Variants in ALDH5A1 observed in about 807,000 individuals in gnomAD.
The protein encoded by ALDH5A1 is aldehyde dehydrogenase 5 family member A1, also known as succinate-semialdehyde dehydrogenase, mitochondrial.
Under a neutral mutation model 54.7 loss-of-function variants are expected in ALDH5A1, and 33 were observed. That is an observed-to-expected ratio of 0.60 (90% confidence interval 0.46 to 0.81). The LOEUF is 0.81. Among genes scored for constraint, ALDH5A1 ranks in the 30% least tolerant of loss-of-function variants. The pLI, the probability that ALDH5A1 is intolerant of heterozygous loss-of-function variation, is 0.00. For missense variants in ALDH5A1, 657 were observed against 711.0 expected (o/e 0.92, Z 0.86); for synonymous variants, 294 against 292.7 (o/e 1.00, Z -0.05).
At chr6:24,526,965 TGTGTGTG>T (rs1561878644) in intron 7 of ALDH5A1, among the ~76,000 whole-genome samples, 73 of 7,470 alleles carry the variant, frequency 9.8e-3, no homozygotes, top group African/African-American at 0.02. Flanking sequence ...TATATATATA[TGTGTGTG>T]TGTATATATA....
intron 4 of ALDH5A1, 40 bp downstream of exon 4, chr6:24,505,025 T>A (rs755676131): frequency 1.7e-5 from 27 of 1,601,758 alleles, no homozygotes; most frequent in Non-Finnish European, 2.2e-5. Flanking sequence ...GCAGACAAAG[T>A]TCAAAAATTG....
At chr6:24,499,540 G>A (rs544589394) in intron 1 of ALDH5A1, among the ~76,000 whole-genome samples, 1 of 141,166 alleles carries the variant, frequency 7.1e-6, no homozygotes, top group South Asian at 2.3e-4. Flanking sequence ...TGCCTAGGCT[G>A]GAGTACAGTG....
intron 4 of ALDH5A1, among the ~76,000 whole-genome samples, chr6:24,513,709 A>G (rs1759505956): frequency 6.6e-6 from 1 of 152,176 alleles, no homozygotes; most frequent in Non-Finnish European, 1.5e-5. Context: ...CTCACCTACT[A>G]TTGATAGGGC....
rs1214819272 is a variant in ALDH5A1 at position 24,508,361 on chromosome 6, C to CAAAAAAAAAAAA, written c.726+3392_726+3403dup. ...AGGTGACAGAGCAAGACTCCATCTC[C>CAAAAAAAAAAAA]AAAAAAAAAAAAAAAAAAAAAAAAA... On this transcript the variant is annotated intron_variant, in intron 4 of 9. Transcript: ENST00000357578. Among the ~76,000 whole-genome samples, 29 of 13,078 alleles carry CAAAAAAAAAAAA rather than the reference C, an allele frequency of 2.2e-3. 2 individuals are homozygous for CAAAAAAAAAAAA. Among genetic ancestry groups the CAAAAAAAAAAAA allele is most frequent in the African/African-American group, 5.7e-3 (23 of 4,044 alleles). The allele number at this position is 13,078 out of a possible 152,430, so 8.6% of individuals were successfully genotyped here. A position where few individuals can be genotyped will look rare whatever the true frequency, so the allele number is the denominator to read the frequency against.
rs1247829223 is a variant in ALDH5A1, at chr6:24,536,075, GAAGA to G, written c.*2368_*2371del. On this transcript the variant is annotated 3_prime_UTR_variant, in exon 10 of 10. Coordinates refer to ENST00000357578, the MANE Select transcript of ALDH5A1 (RefSeq NM_001080.3). The stretch of plus-strand genomic sequence containing the variant: ...TTAGTAAAATGGCCCTTGGTTGTGG[GAAGA>G]AAGAGAATTATTTTTAACTGAACGT... The G allele has an allele frequency of 6.6e-6, 1 of 152,160 alleles. No homozygotes were observed. The highest frequency in any genetic ancestry group is 2.4e-5 in the African/African-American group (1 of 41,428). 9.4% of individuals were successfully genotyped at this position (152,160 alleles called of 1,614,324 possible). A position where few individuals can be genotyped will look rare whatever the true frequency, so the allele number is the denominator to read the frequency against.
chr6:24,532,552 G>A (rs926282437), intron 9 of ALDH5A1, among the ~76,000 whole-genome samples: 1 of 152,150 alleles, frequency 6.6e-6, no homozygotes, highest in Non-Finnish European at 1.5e-5. Flanking sequence ...AGAAGAGGAA[G>A]GGCATCAGCA....
intron 1 of ALDH5A1, among the ~76,000 whole-genome samples, chr6:24,498,005 A>T (rs1764746858): frequency 7.4e-6 from 1 of 135,494 alleles, no homozygotes; most frequent in Non-Finnish European, 1.6e-5. Context: ...CAAGGTGAAG[A>T]GTTATCCCAT....
intron 4 of ALDH5A1, 31 bp from the exon 5 acceptor site, chr6:24,515,136 G>A (rs767569668): frequency 4.7e-6 from 3 of 636,116 alleles, no homozygotes; most frequent in Non-Finnish European, 4.6e-6. Context: ...TTGGTAAATT[G>A]TTGGCACATG....
chr6:24,504,092 G>C (rs1392219251), intron 3 of ALDH5A1, among the ~76,000 whole-genome samples: 1 of 152,160 alleles, frequency 6.6e-6, no homozygotes, highest in Admixed American at 6.5e-5. Flanking sequence ...CCCCCTGATT[G>C]CCTAGACTGG....
chr6:24,526,961 TATATGTGTGTG>T (rs1365744989), intron 7 of ALDH5A1, among the ~76,000 whole-genome samples: 1,761 of 9,328 alleles, frequency 0.19, 45 homozygotes, highest in African/African-American at 0.28. Flanking sequence ...CTAATATATA[TATATGTGTGTG>T]TGTATATATA....
chr6:24,513,703 C>A (rs1385388489), intron 4 of ALDH5A1, among the ~76,000 whole-genome samples: 1 of 152,180 alleles, frequency 6.6e-6, no homozygotes, highest in Non-Finnish European at 1.5e-5. Context: ...CATGTACTCA[C>A]CTACTATTGA....
rs1749402568 is a variant in ALDH5A1, at chr6:24,533,783, T to G, written c.*71T>G. The G allele has an allele frequency of 1.4e-6, 2 of 1,408,462 alleles. No homozygotes were observed. The highest frequency in any genetic ancestry group is 2.9e-5 in the African/African-American group (2 of 69,182). The allele number at this position is 1,408,462 out of a possible 1,614,324, so 87.2% of individuals were successfully genotyped here. A position where few individuals can be genotyped will look rare whatever the true frequency, so the allele number is the denominator to read the frequency against. On this transcript the variant is annotated 3_prime_UTR_variant, in exon 10 of 10. Transcript: ENST00000357578. ...TATATAGGTACATGCCATCCATTAT[T>G]TTAAATAAACTAATAGGTTTTCAGA...
chr6:24,499,709 C>T lies in ALDH5A1; in HGVS notation c.355-2814C>T, dbSNP rs569175738. 1.3e-4 allele frequency among the ~76,000 whole-genome samples: 13 copies of T among 103,832 alleles called. No homozygotes were observed. In the South Asian group the frequency reaches 1.3e-3, roughly 10 times the overall value. 68.1% of individuals were successfully genotyped at this position (103,832 alleles called of 152,430 possible). On this transcript the variant is annotated intron_variant, in intron 1 of 9. Coordinates refer to ENST00000357578, the MANE Select transcript of ALDH5A1 (RefSeq NM_001080.3). ...TGAGACGGAGTCTCGCTCTGTCACC[C>T]GGGCTGGAGTGCAGTGGCGCAGTCT...
intron 1 of ALDH5A1, among the ~76,000 whole-genome samples, chr6:24,501,805 A>C (rs1031893601): frequency 2.6e-5 from 4 of 152,002 alleles, no homozygotes; most frequent in African/African-American, 9.7e-5. Context: ...CAATCAAAAA[A>C]CACAGAAGTT....
Position 24,518,251 on chromosome 6 carries a change from T to C in ALDH5A1, c.871-2150T>C, listed in dbSNP as rs1426894091. On this transcript the variant is annotated intron_variant, in intron 5 of 9. Coordinates refer to ENST00000357578, the MANE Select transcript of ALDH5A1 (RefSeq NM_001080.3). The surrounding 1 kb of genome is among the most constrained non-coding windows in gnomAD (Gnocchi z 4.2). The stretch of plus-strand genomic sequence containing the variant: ...AGAAAGGTAGGCTGGGCCAATCACA[T>C]GCTGTCTTTGGAAGCTGAGGCCCTG... Among the ~76,000 whole-genome samples the C allele has an allele frequency of 2.6e-5, 4 of 152,228 alleles. No homozygotes were observed. The highest frequency in any genetic ancestry group is 9.6e-5 in the African/African-American group (4 of 41,464).
At chr6:24,510,783 G>A (rs762637253) in intron 4 of ALDH5A1, among the ~76,000 whole-genome samples, 4 of 152,172 alleles carry the variant, frequency 2.6e-5, no homozygotes, top group African/African-American at 7.2e-5. Context: ...TTTAAGTGGA[G>A]TATTTAAGGC....
rs759155182 is a variant in ALDH5A1 at position 24,503,341 on chromosome 6, C to T, written c.517C>T (p.Arg173Cys). 9.9e-6 allele frequency: 16 copies of T among 1,614,070 alleles called. No homozygotes were observed. The highest frequency in any genetic ancestry group is 1.7e-5 in the Admixed American group (1 of 60,010). Residue 173 changes from arginine to cysteine, a missense_variant, in exon 3 of 10, where the codon CGT becomes TGT. Transcript: ENST00000357578. ...FLEWFSEEARRVYGDIIHTPA... is the reference protein window; with the variant it reads ...FLEWFSEEARCVYGDIIHTPA... ...AGAGTGGTTCTCTGAGGAAGCCCGC[C>T]GTGTTTACGGAGACATTATCCACAC...
intron 7 of ALDH5A1, among the ~76,000 whole-genome samples, chr6:24,525,838 A>C (rs1759788699): frequency 6.6e-6 from 1 of 152,106 alleles, no homozygotes; most frequent in South Asian, 2.1e-4. Flanking sequence ...GAGGAGATGA[A>C]GCTGGTTGAT....
At chr6:24,527,888 A>G (rs1023219693) in intron 7 of ALDH5A1, 109 bp from the exon 8 acceptor site, 5 of 1,264,214 alleles carry the variant, frequency 4.0e-6, no homozygotes, top group Admixed American at 3.8e-5. Flanking sequence ...TTGTTAACCT[A>G]CTTTTTTTGA....
Sources: gnomAD v4.1 joint callset for allele counts (sites outside exome capture counted in the v4.1 genomes callset) on GRCh38, gnomAD v4.1.1 for gene constraint, Gnocchi (gnomAD v3.1) non-coding constraint, MANE v1.5 for transcripts, NCBI Gene and HGNC (gene_info 2026-07-23, HGNC 2026-07-21) for gene names.